Variants in SORCS1 observed in about 807,000 individuals in gnomAD.
SORCS1 encodes sortilin related VPS10 domain containing receptor 1.
In SORCS1, 60 loss-of-function variants were observed where a neutral mutation model predicts 146.1. The ratio of observed to expected loss-of-function variants is 0.41; its 90% CI spans 0.33 to 0.51. SORCS1 has a LOEUF of 0.51. Ranked by LOEUF, SORCS1 falls within the 20% of genes least tolerant of loss-of-function variation. The pLI is 0.21. For missense variants in SORCS1, 1,352 were observed against 1,487.6 expected, an observed-to-expected ratio of 0.91 and a Z score of 1.50; for synonymous variants, 637 against 584.0, an observed-to-expected ratio of 1.09 and a Z score of -1.31.
chr10:107,017,228 T>G (rs1448633167), intron 1 of SORCS1, among the ~76,000 whole-genome samples: 1 of 152,172 alleles, frequency 6.6e-6, no homozygotes, highest in Non-Finnish European at 1.5e-5. Context: ...TTGTAGCAAC[T>G]AAAAACTGGA....
At chr10:106,623,102 C>T (rs7899072) in intron 19 of SORCS1, among the ~76,000 whole-genome samples, 39,353 of 152,032 alleles carry the variant, frequency 0.26, 6,253 homozygotes, top group East Asian at 0.52. Context: ...ATCTCAGTTC[C>T]AGCATCCCCT....
At chr10:106,821,327 T>G (rs527868921) in intron 3 of SORCS1, among the ~76,000 whole-genome samples, 2 of 152,198 alleles carry the variant, frequency 1.3e-5, no homozygotes, top group African/African-American at 4.8e-5. Flanking sequence ...AAAAAAGCAT[T>G]ATCTAAACTT....
intron 2 of SORCS1, among the ~76,000 whole-genome samples, chr10:106,839,495 A>T (rs577510750): frequency 6.6e-6 from 1 of 152,360 alleles, no homozygotes; most frequent in African/African-American, 2.4e-5. Context: ...AATTTGGTTC[A>T]TGAGGAAAAA....
chr10:106,605,236 G>A (rs1276968978), intron 23 of SORCS1, among the ~76,000 whole-genome samples: 1 of 152,112 alleles, frequency 6.6e-6, no homozygotes, highest in African/African-American at 2.4e-5. Context: ...GAGAATGAAG[G>A]GAAACAAGAA....
chr10:107,058,529 T>C (rs11193190), intron 1 of SORCS1, among the ~76,000 whole-genome samples: 83,118 of 152,064 alleles, frequency 0.55, 24,162 homozygotes, highest in African/African-American at 0.72. Flanking sequence ...AGAAGGCACT[T>C]CAGGCTGTCT....
At chr10:106,823,314 T>G (rs2136943165) in intron 3 of SORCS1, among the ~76,000 whole-genome samples, 1 of 152,344 alleles carries the variant, frequency 6.6e-6, no homozygotes. Flanking sequence ...TTTAAAATAT[T>G]AATCATGTTC....
intron 2 of SORCS1, among the ~76,000 whole-genome samples, chr10:106,913,581 G>A (rs550549967): frequency 1.3e-5 from 2 of 152,306 alleles, no homozygotes; most frequent in South Asian, 4.1e-4. Flanking sequence ...TCGTAGCTGG[G>A]TGCTGTGTAT....
chr10:106,854,437 C>T (rs986757721), intron 2 of SORCS1, among the ~76,000 whole-genome samples: 2 of 151,876 alleles, frequency 1.3e-5, no homozygotes, highest in African/African-American at 4.8e-5. Context: ...ATATTTAGGC[C>T]ACTGACATTT....
intron 1 of SORCS1, among the ~76,000 whole-genome samples, chr10:106,962,433 A>G (rs980351299): frequency 6.6e-6 from 1 of 151,212 alleles, no homozygotes; most frequent in Non-Finnish European, 1.5e-5. Context: ...AAGAAAAGAA[A>G]AAGAAAATGG....
intron 24 of SORCS1, among the ~76,000 whole-genome samples, chr10:106,587,260 G>A (rs906382258): frequency 3.3e-5 from 5 of 152,100 alleles, no homozygotes; most frequent in South Asian, 2.1e-4. Flanking sequence ...TAGATAATAC[G>A]GTGACCGAAA....
At chr10:106,828,472 G>C (rs541662833) in intron 3 of SORCS1, among the ~76,000 whole-genome samples, 1 of 152,294 alleles carries the variant, frequency 6.6e-6, no homozygotes, top group South Asian at 2.1e-4. Context: ...TTGCTTAAGA[G>C]ATATTTTCAT....
chr10:106,691,742 C>A (rs1469748029), intron 9 of SORCS1, among the ~76,000 whole-genome samples: 1 of 152,178 alleles, frequency 6.6e-6, no homozygotes, highest in Non-Finnish European at 1.5e-5. Context: ...AAACCAGGAT[C>A]TCTTTTCATC....
intron 1 of SORCS1, among the ~76,000 whole-genome samples, chr10:107,130,934 A>G (rs1422409073): frequency 6.6e-6 from 1 of 152,188 alleles, no homozygotes; most frequent in Non-Finnish European, 1.5e-5. Flanking sequence ...GCCATTAAGC[A>G]ATAACTCCAC....
intron 1 of SORCS1, among the ~76,000 whole-genome samples, chr10:107,003,483 C>G (rs73371935): frequency 0.16 from 24,409 of 150,536 alleles, 6,148 homozygotes; most frequent in African/African-American, 0.54. Context: ...TAGTAATCCA[C>G]AGACTCACTT....
intron 1 of SORCS1, among the ~76,000 whole-genome samples, chr10:106,999,618 G>A (rs1424357992): frequency 6.6e-6 from 1 of 152,144 alleles, no homozygotes. Context: ...TGACTTACAA[G>A]ACAAACTGTT....
chr10:106,917,465 C>CT (rs547636850), intron 2 of SORCS1, among the ~76,000 whole-genome samples: 66 of 152,268 alleles, frequency 4.3e-4, no homozygotes, highest in African/African-American at 1.5e-3. Flanking sequence ...GATATTTTTG[C>CT]TTGTTTAGTA....
At chr10:106,891,475 C>A (rs1367332589) in intron 2 of SORCS1, among the ~76,000 whole-genome samples, 2 of 132,438 alleles carry the variant, frequency 1.5e-5, no homozygotes, top group African/African-American at 5.7e-5. Context: ...GTCAAGACAA[C>A]AAAGTAATCA....
intron 18 of SORCS1, among the ~76,000 whole-genome samples, chr10:106,633,872 C>T (rs924353246): frequency 2.0e-5 from 3 of 152,098 alleles, no homozygotes; most frequent in Non-Finnish European, 4.4e-5. Flanking sequence ...TGAGAGGATG[C>T]CCAGTCCTGC....
chr10:107,084,262 AT>A (rs11342875), intron 1 of SORCS1, among the ~76,000 whole-genome samples: 11,684 of 133,266 alleles, frequency 0.088, 788 homozygotes, highest in African/African-American at 0.21. Context: ...TACCCGGCTA[AT>A]TTTTTTTTTT....
Sources: allele counts gnomAD v4.1 joint callset (sites outside exome capture counted in the v4.1 genomes callset), GRCh38; gene constraint gnomAD v4.1.1; transcripts MANE v1.5; gene names NCBI Gene and HGNC (gene_info 2026-07-23, HGNC 2026-07-21).